GTF2I: variants seen among roughly 807,000 people sequenced by gnomAD.
GTF2I encodes the protein general transcription factor IIi, also known as general transcription factor II-I.
Under a neutral mutation model 67.6 loss-of-function variants are expected in GTF2I, and 12 were observed. The observed-to-expected ratio is 0.18, with a 90% CI of 0.11 to 0.29. The LOEUF (loss-of-function observed/expected upper bound fraction) is 0.29, where lower values mean the gene tolerates loss of function less well. Ranked by LOEUF, GTF2I falls within the 10% of genes least tolerant of loss-of-function variation. The pLI, the probability that GTF2I is intolerant of heterozygous loss-of-function variation, is 1.00. For synonymous variants in GTF2I, 149 were observed against 197.0 expected (o/e 0.76, Z 2.04); for missense variants, 271 against 580.1 (o/e 0.47, Z 5.47).
chr7:74,720,150 C>T (rs1390235463), intron 12 of GTF2I, among the ~76,000 whole-genome samples: 1 of 152,204 alleles, frequency 6.6e-6, no homozygotes, highest in Non-Finnish European at 1.5e-5. Context: ...CGAAAATACA[C>T]AGATGCTTTC....
chr7:74,727,012 T>G (rs1584297871), intron 12 of GTF2I: 1 of 152,346 alleles, frequency 6.6e-6, no homozygotes, highest in South Asian at 2.1e-4. Context: ...GAACATGTTT[T>G]TCTAAAGTAG....
intron 9 of GTF2I, among the ~76,000 whole-genome samples, chr7:74,713,939 A>G (rs1791941122): frequency 6.6e-6 from 1 of 152,020 alleles, no homozygotes; most frequent in South Asian, 2.1e-4. Flanking sequence ...TTTCTCATGC[A>G]ATTGATTTTT....
At chr7:74,708,622 A>G (rs1791097061) in intron 8 of GTF2I, among the ~76,000 whole-genome samples, 1 of 152,186 alleles carries the variant, frequency 6.6e-6, no homozygotes. Flanking sequence ...ACAAGAAGCC[A>G]AAAGGAAGGC....
chr7:74,696,239 C>G (rs1322752077), intron 3 of GTF2I, among the ~76,000 whole-genome samples: 1 of 152,096 alleles, frequency 6.6e-6, no homozygotes, highest in African/African-American at 2.4e-5. Flanking sequence ...ACCTTGGCCT[C>G]CCAAAGTGCT....
chr7:74,661,735 A>ACGGTG (rs1804517260), intron 1 of GTF2I, among the ~76,000 whole-genome samples: 1 of 152,124 alleles, frequency 6.6e-6, no homozygotes, highest in Non-Finnish European at 1.5e-5. Context: ...CGGACGACTG[A>ACGGTG]CGGTAGATTG....
intron 12 of GTF2I, chr7:74,727,565 T>C (rs1794011062): frequency 6.6e-6 from 1 of 152,194 alleles, no homozygotes; most frequent in African/African-American, 2.4e-5. Context: ...AAAAAGATAG[T>C]GTCTTGTACT....
At chr7:74,665,589 C>T (rs139571855) in intron 1 of GTF2I, among the ~76,000 whole-genome samples, 268 of 152,234 alleles carry the variant, frequency 1.8e-3, no homozygotes, top group African/African-American at 6.3e-3. Context: ...GAACATGTTT[C>T]GCTTCTAAGA....
intron 12 of GTF2I, chr7:74,722,659 T>TAAG (rs1793179590): frequency 6.6e-6 from 1 of 152,218 alleles, no homozygotes; most frequent in East Asian, 1.9e-4. Flanking sequence ...TACGTCTTCC[T>TAAG]AAGTCAAACT....
At chr7:74,724,298 G>A (rs1562976961) in intron 12 of GTF2I, among the ~76,000 whole-genome samples, 1 of 152,170 alleles carries the variant, frequency 6.6e-6, no homozygotes, top group African/African-American at 2.4e-5. Flanking sequence ...ATTACCTGGT[G>A]TTGATTGTTT....
At chr7:74,730,720 T>C (rs1234421431) in intron 14 of GTF2I, among the ~76,000 whole-genome samples, 5 of 127,944 alleles carry the variant, frequency 3.9e-5, no homozygotes, top group Non-Finnish European at 1.7e-5. Flanking sequence ...TATCTTTTTT[T>C]TTTTTTTTTT....
intron 1 of GTF2I, among the ~76,000 whole-genome samples, chr7:74,665,763 T>C (rs1804920959): frequency 1.3e-5 from 2 of 152,364 alleles, no homozygotes; most frequent in Admixed American, 6.5e-5. Context: ...CCAAGAACTC[T>C]GGAGAATATG....
intron 7 of GTF2I, among the ~76,000 whole-genome samples, chr7:74,706,069 G>A (rs1039070527): frequency 2.0e-5 from 3 of 151,642 alleles, no homozygotes; most frequent in Admixed American, 6.6e-5. Context: ...TCAGGTGAGC[G>A]CCACCACGCC....
intron 1 of GTF2I, among the ~76,000 whole-genome samples, chr7:74,679,664 T>C (rs776394890): frequency 1.4e-4 from 21 of 151,906 alleles, no homozygotes; most frequent in Non-Finnish European, 2.4e-4. Context: ...TCTTGAACTC[T>C]AGACCTCAAG....
intron 1 of GTF2I, among the ~76,000 whole-genome samples, chr7:74,673,680 C>CTTTT (rs34307938): frequency 8.3e-6 from 1 of 119,804 alleles, no homozygotes; most frequent in Non-Finnish European, 1.8e-5. Context: ...CGCCCGGCCT[C>CTTTT]TTTTTTTTTT....
intron 1 of GTF2I, among the ~76,000 whole-genome samples, chr7:74,661,216 C>T (rs1804460031): frequency 6.6e-6 from 1 of 152,128 alleles, no homozygotes. Context: ...GCCCTACCTC[C>T]CAGGCTGATT....
chr7:74,705,142 AAT>A lies in GTF2I; in HGVS notation c.587-21_587-20del. On this transcript the variant is annotated intron_variant, in intron 6 of 34. Coordinates refer to ENST00000573035, the MANE Select transcript of GTF2I (RefSeq NM_032999.4). ...TTTGAAATGTTGAAAAACTAACTCC[AAT>A]TTTTTTTTTTTGTATGTAGGTGGTC... 8 of 1,486,536 alleles carry A rather than the reference AAT, an allele frequency of 5.4e-6. No homozygotes were observed. The highest frequency in any genetic ancestry group is 1.7e-5 in the Admixed American group (1 of 59,398). The allele number at this position is 1,486,536 out of a possible 1,614,324, so 92.1% of individuals were successfully genotyped here.
chr7:74,715,050 CTTT>C (rs140756201), intron 10 of GTF2I, 134 bp downstream of exon 10: 1 of 491,910 alleles, frequency 2.0e-6, no homozygotes, highest in African/African-American at 2.0e-5. Flanking sequence ...ATGTATTGGC[CTTT>C]TTTTAACATA....
chr7:74,712,750 G>C (rs587709151), intron 9 of GTF2I, among the ~76,000 whole-genome samples: 2 of 143,756 alleles, frequency 1.4e-5, no homozygotes, highest in Non-Finnish European at 3.0e-5. Context: ...TGCAACCTCC[G>C]CTTGCCGGGT....
intron 4 of GTF2I, 141 bp downstream of exon 4, chr7:74,699,236 C>A: frequency 2.3e-6 from 1 of 427,274 alleles, no homozygotes; most frequent in East Asian, 3.7e-5. Flanking sequence ...TTACTTTCTT[C>A]CACTTCCATT....
Sources: allele counts gnomAD v4.1 joint callset (sites outside exome capture counted in the v4.1 genomes callset), GRCh38; gene constraint gnomAD v4.1.1; transcripts MANE v1.5; gene names NCBI Gene and HGNC (gene_info 2026-07-23, HGNC 2026-07-21).